The following FRMD6 variants were observed in gnomAD, a reference collection of about 807,000 sequenced individuals.
FRMD6 encodes the protein FERM domain containing 6, also known as FERM domain-containing protein 6.
In FRMD6, 37 loss-of-function variants were observed where a neutral mutation model predicts 73.2. The ratio of observed to expected loss-of-function variants is 0.51; its 90% CI spans 0.39 to 0.66. The LOEUF (loss-of-function observed/expected upper bound fraction) is 0.66. Among genes scored for constraint, FRMD6 ranks in the 30% least tolerant of loss-of-function variants. FRMD6 has a pLI of 0.00. For synonymous variants in FRMD6, 273 were observed against 282.2 expected, an observed-to-expected ratio of 0.97 and a Z score of 0.33; for missense variants, 714 against 780.5, an observed-to-expected ratio of 0.91 and a Z score of 1.02.
chr14:51,562,289 C>T (rs1950909), intron 1 of FRMD6, among the ~76,000 whole-genome samples: 90,607 of 151,964 alleles, frequency 0.6, 27,230 homozygotes, highest in African/African-American at 0.66. Context: ...TGGGAGTAGG[C>T]CACAGGAGAT....
chr14:51,650,293 C>T (rs1892273044), upstream of FRMD6: 1 of 151,338 alleles, frequency 6.6e-6, no homozygotes, highest in South Asian at 2.1e-4. Context: ...TGTAAATAAA[C>T]ACAAAACTGA....
chr14:51,614,014 C>T (rs1248930091), intron 2 of FRMD6, among the ~76,000 whole-genome samples: 1 of 152,094 alleles, frequency 6.6e-6, no homozygotes, highest in Non-Finnish European at 1.5e-5. Context: ...ATTGAAGCTA[C>T]CACGTATCAA....
At chr14:51,664,812 C>G (rs927341035) in intron 1 of FRMD6, among the ~76,000 whole-genome samples, 7 of 152,056 alleles carry the variant, frequency 4.6e-5, no homozygotes, top group African/African-American at 1.7e-4. Context: ...TTTTTTTCAG[C>G]TGAAACTTGT....
chr14:51,454,584 G>A, the FRMD6 span: 1 of 152,310 alleles, frequency 6.6e-6, no homozygotes, highest in African/African-American at 2.4e-5. Flanking sequence ...GCTGCTTCCT[G>A]GTTTATGAGA....
intron 1 of FRMD6, among the ~76,000 whole-genome samples, chr14:51,565,853 A>G (rs969187925): frequency 2.0e-5 from 3 of 152,164 alleles, no homozygotes; most frequent in African/African-American, 7.2e-5. Flanking sequence ...CCAAGTTCAC[A>G]GAGCTGTTTA....
intron 1 of FRMD6, among the ~76,000 whole-genome samples, chr14:51,492,874 G>A (rs1596489156): frequency 6.6e-6 from 1 of 152,184 alleles, no homozygotes; most frequent in Non-Finnish European, 1.5e-5. Flanking sequence ...GTAAATGGGG[G>A]TTGTAATTTG....
chr14:51,424,067 G>A, the FRMD6 span, among the ~76,000 whole-genome samples: 1 of 152,072 alleles, frequency 6.6e-6, no homozygotes, highest in Non-Finnish European at 1.5e-5. Flanking sequence ...CTGAAAAATT[G>A]GGCAGTAATT....
At chr14:51,578,920 A>G (rs1370946044) in intron 2 of FRMD6, 4 of 152,212 alleles carry the variant, frequency 2.6e-5, no homozygotes. Context: ...TAGGAATATG[A>G]ATGTGGCTAT....
At chr14:51,400,154 T>C in the FRMD6 span, among the ~76,000 whole-genome samples, 1 of 147,598 alleles carries the variant, frequency 6.8e-6, no homozygotes, top group African/African-American at 2.6e-5. Context: ...CTATTTTGAA[T>C]GTAAAATGTA....
intron 1 of FRMD6, among the ~76,000 whole-genome samples, chr14:51,654,172 C>G (rs1182524735): frequency 1.3e-5 from 2 of 151,922 alleles, no homozygotes; most frequent in Non-Finnish European, 2.9e-5. Context: ...CCTGGCTGTA[C>G]AGGAAAACGC....
At chr14:51,450,978 C>T in the FRMD6 span, among the ~76,000 whole-genome samples, 1 of 152,148 alleles carries the variant, frequency 6.6e-6, no homozygotes, top group African/African-American at 2.4e-5. Context: ...AACAGCTAAC[C>T]CACCTGCAGA....
chr14:51,424,649 C>A, the FRMD6 span, among the ~76,000 whole-genome samples: 2 of 152,230 alleles, frequency 1.3e-5, no homozygotes, highest in Non-Finnish European at 2.9e-5. Flanking sequence ...AGCATCACTG[C>A]AGCTAAACTC....
At chr14:51,711,481 G>GA (rs758880254) in intron 7 of FRMD6, 50 bp from the exon 8 acceptor site, 19 of 1,299,836 alleles carry the variant, frequency 1.5e-5, no homozygotes, top group Non-Finnish European at 2.0e-5. Flanking sequence ...GTCCACTGTA[G>GA]AAAAAATATA....
At chr14:51,621,163 G>C (rs1890911970) in intron 2 of FRMD6, among the ~76,000 whole-genome samples, 1 of 151,312 alleles carries the variant, frequency 6.6e-6, no homozygotes, top group South Asian at 2.1e-4. Context: ...TTTTTTTAAT[G>C]ATACCTTGAC....
intron 6 of FRMD6, among the ~76,000 whole-genome samples, chr14:51,705,629 C>T (rs1309563383): frequency 6.6e-6 from 1 of 152,048 alleles, no homozygotes; most frequent in African/African-American, 2.4e-5. Flanking sequence ...CTACTCTTGC[C>T]TTTCCTTCTC....
At chr14:51,416,836 C>T in the FRMD6 span, among the ~76,000 whole-genome samples, 1 of 152,168 alleles carries the variant, frequency 6.6e-6, no homozygotes, top group Admixed American at 6.5e-5. Context: ...TCTGGGTGCT[C>T]CTGTATTGGG....
chr14:51,476,780 A>T, the FRMD6 span, among the ~76,000 whole-genome samples: 2 of 152,206 alleles, frequency 1.3e-5, no homozygotes, highest in African/African-American at 4.8e-5. Context: ...CCTCTATGAG[A>T]TGGGAGTCAG....
At chr14:51,543,209 G>T (rs558338190) in intron 1 of FRMD6, among the ~76,000 whole-genome samples, 1 of 152,002 alleles carries the variant, frequency 6.6e-6, no homozygotes, top group East Asian at 1.9e-4. Context: ...GTATTACCAA[G>T]ATCCTATCTG....
At chr14:51,464,957 A>C in the FRMD6 span, among the ~76,000 whole-genome samples, 4 of 152,220 alleles carry the variant, frequency 2.6e-5, no homozygotes, top group Non-Finnish European at 5.9e-5. Context: ...CTAGATCAAC[A>C]ATCTATGAAA....
Sources: allele counts gnomAD v4.1 joint callset (sites outside exome capture counted in the v4.1 genomes callset), GRCh38; gene constraint gnomAD v4.1.1; transcripts MANE v1.5; gene names NCBI Gene and HGNC (gene_info 2026-07-23, HGNC 2026-07-21).